Variants in ATXN7L1 observed in about 807,000 individuals in gnomAD.
ATXN7L1 encodes ataxin-7-like protein 1.
In ATXN7L1, 15 loss-of-function variants were observed where a neutral mutation model predicts 70.8. That is an observed-to-expected ratio of 0.21 (90% CI 0.14 to 0.33). The LOEUF is 0.33. ATXN7L1 is among the 10% of genes least tolerant of loss of function. The pLI is 1.00. For missense variants in ATXN7L1, 975 were observed against 1,097.1 expected (o/e 0.89, Z 1.57); for synonymous variants, 440 against 445.1 (o/e 0.99, Z 0.14).
At chr7:105,722,396 T>C (rs1393402259) in intron 3 of ATXN7L1, among the ~76,000 whole-genome samples, 1 of 151,696 alleles carries the variant, frequency 6.6e-6, no homozygotes, top group African/African-American at 2.4e-5. Context: ...ACTCTGTCTG[T>C]ACTAAAAATA....
chr7:105,803,929 A>C (rs1807188008), intron 2 of ATXN7L1, among the ~76,000 whole-genome samples: 1 of 152,150 alleles, frequency 6.6e-6, no homozygotes, highest in Non-Finnish European at 1.5e-5. Context: ...TGAGGCGGCT[A>C]AGTGGTCCAG....
chr7:105,822,412 C>G (rs1026900467), intron 2 of ATXN7L1, among the ~76,000 whole-genome samples: 3 of 152,198 alleles, frequency 2.0e-5, no homozygotes, highest in Admixed American at 2.0e-4. Flanking sequence ...GGTTTTGTCT[C>G]TCTTTTTAAG....
At chr7:105,781,811 G>A (rs1240921729) in intron 3 of ATXN7L1, among the ~76,000 whole-genome samples, 9 of 152,074 alleles carry the variant, frequency 5.9e-5, no homozygotes, top group Non-Finnish European at 1.5e-5. Context: ...GGTCACACAG[G>A]GAATAAGGTG....
At chr7:105,740,105 T>G (rs927255769) in intron 3 of ATXN7L1, among the ~76,000 whole-genome samples, 1 of 152,236 alleles carries the variant, frequency 6.6e-6, no homozygotes, top group South Asian at 2.1e-4. Flanking sequence ...GCTGATTTCA[T>G]GATACACTAG....
intron 3 of ATXN7L1, among the ~76,000 whole-genome samples, chr7:105,772,846 T>C (rs1002521893): frequency 6.6e-6 from 1 of 152,172 alleles, no homozygotes; most frequent in Admixed American, 6.5e-5. Flanking sequence ...AATTACAAAA[T>C]ATACAATAAA....
At chr7:105,777,048 C>A (rs1167272215) in intron 3 of ATXN7L1, among the ~76,000 whole-genome samples, 2 of 152,160 alleles carry the variant, frequency 1.3e-5, no homozygotes, top group East Asian at 3.9e-4. Flanking sequence ...TTCTGAGTGT[C>A]TACTAGAAGC....
chr7:105,760,482 A>G, intron 3 of ATXN7L1: 1 of 985,826 alleles, frequency 1.0e-6, no homozygotes, highest in South Asian at 4.7e-5. Flanking sequence ...ACTCTCCTAT[A>G]TACTGGTGAG....
intron 6 of ATXN7L1, 149 bp downstream of exon 6, chr7:105,639,338 A>G (rs1023066067): frequency 4.0e-6 from 2 of 504,804 alleles, no homozygotes; most frequent in African/African-American, 4.0e-5. Context: ...CTCTGCTACC[A>G]TGGACGAGAA....
intron 3 of ATXN7L1, among the ~76,000 whole-genome samples, chr7:105,782,178 C>T (rs541922353): frequency 5.5e-4 from 84 of 152,122 alleles, no homozygotes; most frequent in Non-Finnish European, 8.1e-4. Context: ...AGAGAGGTTA[C>T]ACTCAACCAC....
At chr7:105,819,667 G>C (rs1008082351) in intron 2 of ATXN7L1, 3 of 940,476 alleles carry the variant, frequency 3.2e-6, no homozygotes, top group Non-Finnish European at 5.2e-6. Context: ...GTCTTCCTCC[G>C]CAAGCAGATG....
At chr7:105,703,280 G>A (rs1458135110) in intron 3 of ATXN7L1, among the ~76,000 whole-genome samples, 2 of 150,048 alleles carry the variant, frequency 1.3e-5, no homozygotes, top group East Asian at 3.9e-4. Context: ...ACTCCAGCAT[G>A]GGCAAGAAGA....
chr7:105,833,663 C>A (rs931995365), intron 2 of ATXN7L1, among the ~76,000 whole-genome samples: 1 of 152,174 alleles, frequency 6.6e-6, no homozygotes, highest in Non-Finnish European at 1.5e-5. Flanking sequence ...TTGTACATTT[C>A]ACTGTATGTA....
intron 3 of ATXN7L1, among the ~76,000 whole-genome samples, chr7:105,747,821 T>A (rs1403148674): frequency 6.6e-6 from 1 of 152,100 alleles, no homozygotes; most frequent in Non-Finnish European, 1.5e-5. Context: ...ACATGTTTGG[T>A]CTTAGAAGTC....
intron 3 of ATXN7L1, among the ~76,000 whole-genome samples, chr7:105,740,057 ACT>A (rs2116356998): frequency 1.3e-5 from 2 of 152,208 alleles, no homozygotes; most frequent in South Asian, 2.1e-4. Context: ...ACTGTGATCC[ACT>A]CTGTTTCCTT....
intron 3 of ATXN7L1, among the ~76,000 whole-genome samples, chr7:105,729,988 C>T (rs915017835): frequency 1.3e-5 from 2 of 152,054 alleles, no homozygotes; most frequent in South Asian, 2.1e-4. Flanking sequence ...CCGCCCGTCT[C>T]GGCCTCCCAA....
intron 3 of ATXN7L1, among the ~76,000 whole-genome samples, chr7:105,688,336 G>A (rs1054458852): frequency 1.3e-5 from 2 of 152,176 alleles, no homozygotes; most frequent in African/African-American, 2.4e-5. Context: ...GACCTCAGGA[G>A]TTTGAGACCA....
chr7:105,783,935 G>T (rs1803898304), intron 3 of ATXN7L1, among the ~76,000 whole-genome samples: 1 of 152,044 alleles, frequency 6.6e-6, no homozygotes, highest in African/African-American at 2.4e-5. Context: ...AACCTGTGGG[G>T]TCTGTGCTAA....
intron 3 of ATXN7L1, among the ~76,000 whole-genome samples, chr7:105,676,697 A>G (rs1032297204): frequency 6.6e-6 from 1 of 152,004 alleles, no homozygotes; most frequent in Non-Finnish European, 1.5e-5. Context: ...AAAATTAGCC[A>G]GGTGTGGTGG....
intron 2 of ATXN7L1, among the ~76,000 whole-genome samples, chr7:105,834,063 G>A (rs1422586702): frequency 2.6e-5 from 4 of 152,114 alleles, no homozygotes; most frequent in Admixed American, 6.6e-5. Flanking sequence ...TTATTTTTGA[G>A]ACAAAGTCTC....
Sources: allele counts gnomAD v4.1 joint callset (sites outside exome capture counted in the v4.1 genomes callset), GRCh38; gene constraint gnomAD v4.1.1; transcripts MANE v1.5; gene names NCBI Gene and HGNC (gene_info 2026-07-23, HGNC 2026-07-21).